PARD3: variants seen among roughly 807,000 people sequenced by gnomAD.
PARD3 encodes partitioning defective 3 homolog.
Under a neutral mutation model 155.4 loss-of-function variants are expected in PARD3, and 75 were observed. The ratio of observed to expected loss-of-function variants is 0.48; its 90% confidence interval spans 0.40 to 0.58. The LOEUF (loss-of-function observed/expected upper bound fraction) is 0.58, where lower values mean the gene tolerates loss of function less well. Ranked by LOEUF, PARD3 falls within the 20% of genes least tolerant of loss-of-function variation. The pLI is 0.00. For synonymous variants in PARD3, 576 were observed against 610.5 expected (o/e 0.94, Z 0.83); for missense variants, 1,642 against 1,721.7 (o/e 0.95, Z 0.82).
intron 2 of PARD3, among the ~76,000 whole-genome samples, chr10:34,580,159 C>A (rs557662142): frequency 3.8e-4 from 58 of 152,204 alleles, no homozygotes; most frequent in African/African-American, 1.3e-3. Context: ...AGGTGATCCA[C>A]CAACCTCAGC....
At chr10:34,787,019 GATCTTTTAC>G (rs1476051379) in intron 1 of PARD3, among the ~76,000 whole-genome samples, 1 of 152,158 alleles carries the variant, frequency 6.6e-6, no homozygotes, top group Non-Finnish European at 1.5e-5. Flanking sequence ...AAAACTGCTA[GATCTTTTAC>G]ATCTTTTATC....
intron 2 of PARD3, among the ~76,000 whole-genome samples, chr10:34,600,139 A>G (rs2089633658): frequency 6.6e-6 from 1 of 151,372 alleles, no homozygotes; most frequent in African/African-American, 2.4e-5. Context: ...GTTCGAGACC[A>G]GCCTGGGCAA....
intron 22 of PARD3, among the ~76,000 whole-genome samples, chr10:34,185,477 CA>C (rs1950444399): frequency 6.6e-6 from 1 of 152,060 alleles, no homozygotes; most frequent in South Asian, 2.1e-4. Context: ...CAGAAAAAGA[CA>C]AAAGGAAAAG....
intron 16 of PARD3, among the ~76,000 whole-genome samples, chr10:34,340,015 T>C (rs1047286506): frequency 6.6e-6 from 1 of 152,188 alleles, no homozygotes; most frequent in Non-Finnish European, 1.5e-5. Context: ...GGGAAGATAT[T>C]GTCAGGCTGG....
chr10:34,292,182 A>T (rs1191663918), intron 20 of PARD3, among the ~76,000 whole-genome samples: 2 of 152,226 alleles, frequency 1.3e-5, no homozygotes, highest in African/African-American at 2.4e-5. Context: ...TAAAATAACA[A>T]GGAATTCACT....
chr10:34,540,899 G>C (rs980444114), intron 2 of PARD3, among the ~76,000 whole-genome samples: 4 of 152,156 alleles, frequency 2.6e-5, no homozygotes, highest in African/African-American at 9.7e-5. Context: ...CCAAGTAACA[G>C]ATTTTACAAT....
intron 1 of PARD3, among the ~76,000 whole-genome samples, chr10:34,798,713 A>G (rs1429507179): frequency 1.3e-5 from 2 of 152,030 alleles, no homozygotes; most frequent in Non-Finnish European, 2.9e-5. Context: ...TCCAAAAAAA[A>G]AAAAAAAAAC....
At chr10:34,345,490 C>A (rs1249145198) in intron 15 of PARD3, 1 of 985,070 alleles carries the variant, frequency 1.0e-6, no homozygotes, top group Non-Finnish European at 1.2e-6. Flanking sequence ...CCTCAACCTC[C>A]ACTAATGTCT....
chr10:34,704,031 AAC>A (rs2094325772), intron 1 of PARD3, among the ~76,000 whole-genome samples: 1 of 152,230 alleles, frequency 6.6e-6, no homozygotes, highest in African/African-American at 2.4e-5. Flanking sequence ...CAGGAGACAT[AAC>A]ACAGAAGACA....
chr10:34,427,288 A>C (rs1401347783), intron 5 of PARD3, among the ~76,000 whole-genome samples: 7 of 152,212 alleles, frequency 4.6e-5, no homozygotes, highest in Non-Finnish European at 1.0e-4. Context: ...AGTAAGGAAT[A>C]TTAATAATTA....
Position 34,623,782 on chromosome 10 carries a change from C to T in PARD3, c.222+72536G>A, listed in dbSNP as rs1252798945. Among the ~76,000 whole-genome samples the T allele has an allele frequency of 3.3e-5, 5 of 149,814 alleles. No individual in the cohort carries two copies. The East Asian group carries it at 9.7e-4, about 29-fold the overall frequency. On this transcript the variant is annotated intron_variant, in intron 2 of 24. Coordinates refer to ENST00000374788, the MANE Select transcript of PARD3 (RefSeq NM_001184785.2). ...GGATCACGAGGTCAGGAGATCGAAA[C>T]CATCCTGGCTAACACGGTGAAACCC...
At chr10:34,479,957 A>G (rs2133188602) in intron 3 of PARD3, among the ~76,000 whole-genome samples, 1 of 152,328 alleles carries the variant, frequency 6.6e-6, no homozygotes, top group South Asian at 2.1e-4. Context: ...AGGCAAGGGG[A>G]GCTGTGACAT....
rs1366955721 is a variant in PARD3 at position 34,360,224 on chromosome 10, A to G, written c.1743T>C (p.Asp581=). 2 of 1,613,778 alleles carry G rather than the reference A, an allele frequency of 1.2e-6. No individual in the cohort carries two copies. The highest frequency in any genetic ancestry group is 1.7e-6 in the Non-Finnish European group (2 of 1,179,738). The change falls in exon 13 of 25, where the codon GAT becomes GAC. Residue 581 remains aspartate, a synonymous_variant. Transcript: ENST00000374788. ...CAAATGTCAGAAATTCCCTGGTGCC[A>G]TCAGGTGTAAGAACAATATCCTCAT... ...AEDEDIVLTP[D]GTREFLTFEV...
intron 14 of PARD3, among the ~76,000 whole-genome samples, chr10:34,358,364 G>A (rs371220807): frequency 7.9e-5 from 12 of 152,036 alleles, no homozygotes; most frequent in African/African-American, 2.7e-4. Context: ...ATTCCAAACT[G>A]CAACATACAT....
rs572553550 is a variant in PARD3, at chr10:34,321,421, T to A, written c.2834-4083A>T. Among the ~76,000 whole-genome samples, 12 of 152,324 alleles carry A rather than the reference T, an allele frequency of 7.9e-5. 1 individual carries two copies. Among genetic ancestry groups the A allele is most frequent in the Non-Finnish European group, 1.3e-4 (9 of 68,036 alleles). Reference sequence around the variant, plus strand: ...TTTAATTTTGCTCATTTTGACAGACTATTTGCTTTCCTTTTGCAGATACCC... The same window carrying A: ...TTTAATTTTGCTCATTTTGACAGACAATTTGCTTTCCTTTTGCAGATACCC... On this transcript the variant is annotated intron_variant, in intron 19 of 24. Coordinates refer to ENST00000374788, the MANE Select transcript of PARD3 (RefSeq NM_001184785.2).
At chr10:34,630,162 A>C (rs944480450) in intron 2 of PARD3, among the ~76,000 whole-genome samples, 4 of 152,216 alleles carry the variant, frequency 2.6e-5, no homozygotes, top group African/African-American at 7.2e-5. Context: ...AACGTAAAGC[A>C]TTTCAACTCC....
At chr10:34,289,471 T>C (rs867374199) in intron 20 of PARD3, among the ~76,000 whole-genome samples, 11 of 152,144 alleles carry the variant, frequency 7.2e-5, no homozygotes, top group African/African-American at 2.7e-4. Flanking sequence ...ACTACAGGCG[T>C]GAGCCACTGC....
At chr10:34,427,131 A>G (rs1480573154) in intron 5 of PARD3, among the ~76,000 whole-genome samples, 3 of 152,334 alleles carry the variant, frequency 2.0e-5, no homozygotes, top group Non-Finnish European at 4.4e-5. Context: ...TGTTTGAACA[A>G]TATGAAATCT....
intron 2 of PARD3, among the ~76,000 whole-genome samples, chr10:34,689,973 C>A (rs1478787774): frequency 6.6e-6 from 1 of 152,116 alleles, no homozygotes; most frequent in Non-Finnish European, 1.5e-5. Flanking sequence ...GAGACAGAGT[C>A]TTGCTATGTC....
Sources: allele counts gnomAD v4.1 joint callset (sites outside exome capture counted in the v4.1 genomes callset), GRCh38; gene constraint gnomAD v4.1.1; transcripts MANE v1.5; gene names NCBI Gene and HGNC (gene_info 2026-07-23, HGNC 2026-07-21).